Variants in RCAN1 observed in about 807,000 individuals in gnomAD.
RCAN1 encodes the protein calcipressin-1.
In RCAN1, 11 loss-of-function variants were observed where a neutral mutation model predicts 22.9. The ratio of observed to expected loss-of-function variants is 0.48; its 90% CI spans 0.30 to 0.79. RCAN1 has a LOEUF of 0.79. RCAN1 is among the 30% of genes least tolerant of loss of function. RCAN1 has a pLI of 0.06. For missense variants in RCAN1, 291 were observed against 337.8 expected (o/e 0.86, Z 1.09); for synonymous variants, 136 against 142.3 (o/e 0.96, Z 0.32).
At chr21:34,543,263 A>T (rs1012468696) in intron 1 of RCAN1, among the ~76,000 whole-genome samples, 1 of 152,166 alleles carries the variant, frequency 6.6e-6, no homozygotes. Flanking sequence ...GGATCTTGAG[A>T]CTAGGAGATG....
At chr21:34,563,949 G>C (rs1986909605) in intron 1 of RCAN1, among the ~76,000 whole-genome samples, 1 of 151,310 alleles carries the variant, frequency 6.6e-6, no homozygotes, top group Non-Finnish European at 1.5e-5. Flanking sequence ...GTGGGCGACA[G>C]AGTGAGACTC....
chr21:34,598,640 G>A (rs1388083537), intron 1 of RCAN1, among the ~76,000 whole-genome samples: 1 of 152,194 alleles, frequency 6.6e-6, no homozygotes, highest in African/African-American at 2.4e-5. Context: ...AACCTCAGGA[G>A]AAAGGAAGGC....
chr21:34,577,546 C>T (rs1482647578), intron 1 of RCAN1, among the ~76,000 whole-genome samples: 3 of 152,168 alleles, frequency 2.0e-5, no homozygotes. Context: ...CTACAGTGAG[C>T]TGTGATCATG....
At chr21:34,576,224 A>G (rs1394471994) in intron 1 of RCAN1, among the ~76,000 whole-genome samples, 3 of 152,230 alleles carry the variant, frequency 2.0e-5, no homozygotes, top group African/African-American at 7.2e-5. Context: ...CAATAAAAGC[A>G]CAGGGTTTTG....
chr21:34,521,191 G>T (rs1240402715), intron 3 of RCAN1: 2 of 1,370,216 alleles, frequency 1.5e-6, no homozygotes, highest in East Asian at 2.7e-5. Context: ...TGGGGCCGGG[G>T]CTCAGGCCTC....
intron 1 of RCAN1, among the ~76,000 whole-genome samples, chr21:34,592,096 T>A (rs554653601): frequency 2.0e-5 from 3 of 152,210 alleles, no homozygotes; most frequent in African/African-American, 7.2e-5. Flanking sequence ...CAAAACTCCC[T>A]GTGCTTGGGC....
intron 3 of RCAN1, chr21:34,521,242 G>A: frequency 7.0e-7 from 1 of 1,430,048 alleles, no homozygotes; most frequent in Non-Finnish European, 9.1e-7. Flanking sequence ...ATGGATTCCT[G>A]GGACACTGCG....
rs186618202 is a variant in RCAN1 at position 34,549,158 on chromosome 21, C to A, written c.253-25448G>T. On this transcript the variant is annotated intron_variant, in intron 1 of 3. Transcript: ENST00000313806. ...AGACAGGCGTGTCTCTGGCCAGGGA[C>A]TAAGGCGCCATGAGCATGTGTGCTT... Among the ~76,000 whole-genome samples the A allele has an allele frequency of 2.1e-4, 32 of 152,218 alleles. 1 individual carries two copies. The highest frequency in any genetic ancestry group is 1.9e-3 in the Admixed American group (29 of 15,296).
intron 1 of RCAN1, among the ~76,000 whole-genome samples, chr21:34,534,505 A>G (rs9976444): frequency 0.36 from 55,066 of 151,662 alleles, 11,077 homozygotes; most frequent in African/African-American, 0.55. Context: ...AGGACAATGC[A>G]GCTTATTCTG....
intron 1 of RCAN1, among the ~76,000 whole-genome samples, chr21:34,556,429 AAATAATAATAATAAT>A (rs56236946): frequency 2.7e-5 from 4 of 145,540 alleles, no homozygotes; most frequent in African/African-American, 1.0e-4. Context: ...TTGTCTCAAA[AAATAATAATAATAAT>A]AATAATAATA....
chr21:34,607,051 C>A (rs907128939), intron 1 of RCAN1, among the ~76,000 whole-genome samples: 1 of 152,150 alleles, frequency 6.6e-6, no homozygotes. Flanking sequence ...ACCTCAGATA[C>A]CTCTCTCTTT....
intron 1 of RCAN1, chr21:34,526,768 A>T (rs1985088176): frequency 6.2e-7 from 1 of 1,607,210 alleles, no homozygotes; most frequent in African/African-American, 1.3e-5. Flanking sequence ...CTTACAGTGA[A>T]AGCGCTACAG....
At chr21:34,521,793 T>C in intron 2 of RCAN1, 135 bp from the exon 3 acceptor site, 1 of 706,842 alleles carries the variant, frequency 1.4e-6, no homozygotes, top group Non-Finnish European at 2.3e-6. Flanking sequence ...CCAGGACCAA[T>C]TGTAAGATGG....
intron 1 of RCAN1, among the ~76,000 whole-genome samples, chr21:34,563,992 A>T (rs1262860282): frequency 2.6e-5 from 4 of 151,650 alleles, no homozygotes; most frequent in Admixed American, 6.6e-5. Flanking sequence ...ACTACCCGAC[A>T]TTGGGTAGTT....
intron 1 of RCAN1, among the ~76,000 whole-genome samples, chr21:34,580,525 G>A (rs1371324102): frequency 6.6e-6 from 1 of 152,180 alleles, no homozygotes; most frequent in Non-Finnish European, 1.5e-5. Context: ...CACGTCCTCC[G>A]GGTTTCAGGA....
At chr21:34,520,353 C>T (rs1045562473) in intron 3 of RCAN1, among the ~76,000 whole-genome samples, 1 of 152,216 alleles carries the variant, frequency 6.6e-6, no homozygotes, top group Admixed American at 6.5e-5. Context: ...TCCACACCCT[C>T]AGCCATGCTC....
intron 1 of RCAN1, among the ~76,000 whole-genome samples, chr21:34,563,073 T>G (rs2834543): frequency 6.6e-6 from 1 of 152,100 alleles, no homozygotes; most frequent in South Asian, 2.1e-4. Flanking sequence ...CAGTATTGAT[T>G]GTGGTGTCCG....
intron 1 of RCAN1, among the ~76,000 whole-genome samples, chr21:34,575,018 A>T (rs958733334): frequency 2.6e-5 from 4 of 152,260 alleles, no homozygotes; most frequent in Admixed American, 6.5e-5. Context: ...CTGCACGGGC[A>T]GATGGGAATC....
Position 34,521,689 on chromosome 21 carries a change from G to C in RCAN1, c.427-31C>G, listed in dbSNP as rs140946286. ...GAGAGAAAATAAGCACAGGTCAGTT[G>C]TTGCCAGGGAAGAACTGCAGTGAGG... On this transcript the variant is annotated intron_variant, in intron 2 of 3. Coordinates refer to ENST00000313806, the MANE Select transcript of RCAN1 (RefSeq NM_004414.7). 4.3e-3 allele frequency: 6,799 copies of C among 1,572,736 alleles called. 18 individuals are homozygous for C. The highest frequency in any genetic ancestry group is 5.2e-3 in the Non-Finnish European group (6,044 of 1,157,326).
Sources: allele counts gnomAD v4.1 joint callset (sites outside exome capture counted in the v4.1 genomes callset), GRCh38; gene constraint gnomAD v4.1.1; transcripts MANE v1.5; gene names NCBI Gene and HGNC (gene_info 2026-07-23, HGNC 2026-07-21).